Variants in PLXNA4 observed in about 807,000 individuals in gnomAD.
PLXNA4 encodes the protein plexin A4.
A neutral mutation model predicts 191.8 loss-of-function variants in PLXNA4; 44 were observed. That is an observed-to-expected ratio of 0.23 (90% confidence interval 0.18 to 0.29). The LOEUF is 0.29. Among genes scored for constraint, PLXNA4 ranks in the 10% least tolerant of loss-of-function variants. The pLI, the probability that PLXNA4 is intolerant of heterozygous loss-of-function variation, is 1.00. For missense variants in PLXNA4, 1,800 were observed against 2,488.8 expected, an observed-to-expected ratio of 0.72 and a Z score of 5.89; for synonymous variants, 1,082 against 1,009.5, an observed-to-expected ratio of 1.07 and a Z score of -1.36.
At chr7:132,175,520 G>A (rs997906153) in intron 20 of PLXNA4, among the ~76,000 whole-genome samples, 10 of 152,174 alleles carry the variant, frequency 6.6e-5, no homozygotes, top group Non-Finnish European at 1.3e-4. Flanking sequence ...GTATTTCTTT[G>A]TCCTTCCTTC....
intron 1 of PLXNA4, among the ~76,000 whole-genome samples, chr7:132,518,039 G>T (rs1459292185): frequency 6.6e-6 from 1 of 152,132 alleles, no homozygotes; most frequent in Non-Finnish European, 1.5e-5. Context: ...TGGGAGCCAT[G>T]AATTATTTTA....
intron 25 of PLXNA4, among the ~76,000 whole-genome samples, chr7:132,158,769 T>A (rs1227215596): frequency 1.3e-5 from 2 of 152,206 alleles, no homozygotes; most frequent in Admixed American, 6.5e-5. Context: ...TCTTCCCCAC[T>A]GGCCTCTTCA....
At chr7:132,405,058 A>T (rs1236213387) in intron 3 of PLXNA4, among the ~76,000 whole-genome samples, 1 of 66,812 alleles carries the variant, frequency 1.5e-5, no homozygotes, top group African/African-American at 5.8e-5. Flanking sequence ...AGCTGAGGGT[A>T]TGTGTGTGTG....
At chr7:132,319,066 G>A (rs1286599163) in intron 3 of PLXNA4, among the ~76,000 whole-genome samples, 1 of 152,156 alleles carries the variant, frequency 6.6e-6, no homozygotes, top group Non-Finnish European at 1.5e-5. Context: ...CCTGGGCAAG[G>A]CGATATGGAG....
intron 25 of PLXNA4, 136 bp from the exon 26 acceptor site, chr7:132,148,782 A>G (rs567471011): frequency 3.2e-5 from 43 of 1,359,014 alleles, no homozygotes; most frequent in Non-Finnish European, 4.2e-5. Context: ...GCTCCTGCGA[A>G]AATGGAGTGC....
intron 20 of PLXNA4, among the ~76,000 whole-genome samples, 192 bp downstream of exon 20, chr7:132,179,495 A>C (rs141948210): frequency 2.7e-5 from 4 of 146,678 alleles, no homozygotes; most frequent in Non-Finnish European, 6.0e-5. Flanking sequence ...ATACATACAG[A>C]TGTGCACACA....
intron 3 of PLXNA4, among the ~76,000 whole-genome samples, chr7:132,477,673 T>C (rs1797185134): frequency 6.6e-6 from 1 of 152,160 alleles, no homozygotes; most frequent in South Asian, 2.1e-4. Context: ...TTATTCAGCA[T>C]TTGTTACCTT....
chr7:132,237,335 G>A (rs1411391262), intron 5 of PLXNA4, among the ~76,000 whole-genome samples: 1 of 152,134 alleles, frequency 6.6e-6, no homozygotes, highest in African/African-American at 2.4e-5. Flanking sequence ...AGATGGGGAG[G>A]GTGCCTGCTC....
At chr7:132,280,229 A>G (rs1235923806) in intron 4 of PLXNA4, among the ~76,000 whole-genome samples, 1 of 152,156 alleles carries the variant, frequency 6.6e-6, no homozygotes, top group Admixed American at 6.6e-5. Context: ...GGCTGGGAGA[A>G]TGGAAGGTAA....
At chr7:132,514,273 G>T (rs1458862495) in intron 1 of PLXNA4, among the ~76,000 whole-genome samples, 2 of 149,372 alleles carry the variant, frequency 1.3e-5, no homozygotes, top group Non-Finnish European at 3.0e-5. Context: ...GGATGGTCTC[G>T]ATCTCCTGAC....
Position 132,489,383 on chromosome 7 carries a change from T to C in PLXNA4, c.1280A>G (p.Glu427Gly). Residue 427 changes from glutamate to glycine, a missense_variant, in exon 3 of 32, where the codon GAG becomes GGG. Transcript: ENST00000321063. ...DMVRGIPVFT[E>G]DRDRMTSVIA... ...GACAGACGTCATGCGGTCCCTGTCCTCCGTGAAGACGGGAATTCCACGCAC... is the reference window on the plus strand; with the variant it reads ...GACAGACGTCATGCGGTCCCTGTCCCCCGTGAAGACGGGAATTCCACGCAC... 1 of 1,607,046 alleles carries C rather than the reference T, an allele frequency of 6.2e-7. No individual in the cohort carries two copies. The highest frequency in any genetic ancestry group is 8.5e-7 in the Non-Finnish European group (1 of 1,174,012).
At chr7:132,560,609 C>T (rs1320724345) in intron 1 of PLXNA4, among the ~76,000 whole-genome samples, 1 of 152,042 alleles carries the variant, frequency 6.6e-6, no homozygotes, top group African/African-American at 2.4e-5. Context: ...ATCCGCCGGC[C>T]TCCTGGTCAC....
chr7:132,598,970 G>C (rs1306237482), intron 2 of PLXNA4, among the ~76,000 whole-genome samples: 1 of 152,180 alleles, frequency 6.6e-6, no homozygotes, highest in Non-Finnish European at 1.5e-5. Flanking sequence ...TAGGGAACTA[G>C]TGTAATGGTT....
intron 3 of PLXNA4, among the ~76,000 whole-genome samples, chr7:132,390,384 A>T (rs946228725): frequency 6.6e-6 from 1 of 151,992 alleles, no homozygotes; most frequent in Admixed American, 6.6e-5. Flanking sequence ...ACATGGACAC[A>T]GGGAGGGTAA....
At chr7:132,617,920 C>T (rs1407591229) in intron 2 of PLXNA4, among the ~76,000 whole-genome samples, 1 of 152,222 alleles carries the variant, frequency 6.6e-6, no homozygotes, top group African/African-American at 2.4e-5. Flanking sequence ...TTCATTCTTT[C>T]TCCTCTGCCA....
At chr7:132,627,318 C>T (rs1407948349) in intron 2 of PLXNA4, among the ~76,000 whole-genome samples, 1 of 152,168 alleles carries the variant, frequency 6.6e-6, no homozygotes, top group Non-Finnish European at 1.5e-5. Context: ...ATCTTTTACA[C>T]ACACACACTT....
chr7:132,259,558 G>A (rs571284824), intron 4 of PLXNA4, among the ~76,000 whole-genome samples: 1 of 151,202 alleles, frequency 6.6e-6, no homozygotes, highest in African/African-American at 2.4e-5. Context: ...GTGGGATAAG[G>A]TGTGCATTCC....
At chr7:132,405,225 G>T (rs1794165377) in intron 3 of PLXNA4, among the ~76,000 whole-genome samples, 1 of 152,128 alleles carries the variant, frequency 6.6e-6, no homozygotes, top group Non-Finnish European at 1.5e-5. Flanking sequence ...GCAGGGCAGT[G>T]GAGCCTGGGC....
intron 4 of PLXNA4, among the ~76,000 whole-genome samples, chr7:132,255,014 C>T (rs1470650838): frequency 3.3e-5 from 5 of 152,046 alleles, no homozygotes; most frequent in African/African-American, 4.8e-5. Flanking sequence ...GGGGGAAGGC[C>T]GGGAGTCTCA....
Sources: allele counts gnomAD v4.1 joint callset (sites outside exome capture counted in the v4.1 genomes callset), GRCh38; gene constraint gnomAD v4.1.1; transcripts MANE v1.5; gene names NCBI Gene and HGNC (gene_info 2026-07-23, HGNC 2026-07-21).